Variants in VEGFC observed in about 807,000 individuals in gnomAD.
VEGFC encodes vascular endothelial growth factor C.
A neutral mutation model predicts 46.1 loss-of-function variants in VEGFC; 12 were observed. The observed-to-expected ratio is 0.26, with a 90% confidence interval of 0.17 to 0.42. The LOEUF is 0.42. VEGFC is among the 10% of genes least tolerant of loss of function. The probability of loss-of-function intolerance (pLI) is 1.00; values close to 1 mark genes in which losing one functional copy is unlikely to be tolerated. For synonymous variants in VEGFC, 232 were observed against 195.5 expected (o/e 1.19, Z -1.56); for missense variants, 488 against 529.4 (o/e 0.92, Z 0.77).
At chr4:176,753,742 CAATT>C (rs532661589) in intron 1 of VEGFC, among the ~76,000 whole-genome samples, 132 of 152,116 alleles carry the variant, frequency 8.7e-4, no homozygotes, top group African/African-American at 2.9e-3. Context: ...TTTTTACTCT[CAATT>C]AATAGTCAAT....
chr4:176,740,646 T>C (rs905556382), intron 1 of VEGFC, among the ~76,000 whole-genome samples: 1 of 150,542 alleles, frequency 6.6e-6, no homozygotes, highest in Non-Finnish European at 1.5e-5. Context: ...CTCACATTAT[T>C]TTCTAGATGT....
At chr4:176,791,431 C>G (rs969320427) in intron 1 of VEGFC, among the ~76,000 whole-genome samples, 1 of 151,462 alleles carries the variant, frequency 6.6e-6, no homozygotes, top group Admixed American at 6.6e-5. Context: ...CATTTTCAGG[C>G]AAAGGATTAA....
rs558822567 is a variant in VEGFC, at chr4:176,717,485, G to A, written c.553-5835C>T. 5.3e-5 allele frequency among the ~76,000 whole-genome samples: 8 copies of A among 152,142 alleles called. No individual in the cohort carries two copies. The South Asian group carries it at 6.2e-4, about 12-fold the overall frequency. The stretch of plus-strand genomic sequence containing the variant: ...AGGTTGTTTACAGCAGCATAGCAAC[G>A]GCTATAAAGCAACAATTCCTAATCG... On this transcript the variant is annotated intron_variant, in intron 3 of 6. Coordinates refer to ENST00000618562, the MANE Select transcript of VEGFC (RefSeq NM_005429.5).
chr4:176,755,634 C>G (rs991314678), intron 1 of VEGFC, among the ~76,000 whole-genome samples: 1 of 151,992 alleles, frequency 6.6e-6, no homozygotes, highest in African/African-American at 2.4e-5. Context: ...CAAATTAAAA[C>G]ACTCAGAAAT....
chr4:176,713,160 T>C (rs1734644607), intron 3 of VEGFC, among the ~76,000 whole-genome samples: 1 of 152,216 alleles, frequency 6.6e-6, no homozygotes, highest in African/African-American at 2.4e-5. Flanking sequence ...TTCTAGGTAT[T>C]CTCCACAATA....
At chr4:176,720,993 G>C (rs1419755153) in intron 3 of VEGFC, among the ~76,000 whole-genome samples, 6 of 152,080 alleles carry the variant, frequency 3.9e-5, no homozygotes, top group African/African-American at 1.4e-4. Flanking sequence ...TAGGCCTAAG[G>C]ATGAGTAGAC....
chr4:176,755,114 G>A (rs1023131887), intron 1 of VEGFC, among the ~76,000 whole-genome samples: 2 of 151,966 alleles, frequency 1.3e-5, no homozygotes, highest in African/African-American at 4.8e-5. Context: ...TCGTATAGAT[G>A]TATACATTCA....
intron 2 of VEGFC, 146 bp downstream of exon 2, chr4:176,729,387 A>G (rs1734923400): frequency 1.6e-6 from 1 of 644,216 alleles, no homozygotes; most frequent in Admixed American, 3.4e-5. Context: ...AAAATGTTGT[A>G]TTTTGAAGTA....
chr4:176,722,141 T>TA (rs1180874685), intron 3 of VEGFC, among the ~76,000 whole-genome samples: 7 of 151,218 alleles, frequency 4.6e-5, no homozygotes, highest in African/African-American at 1.7e-4. Context: ...GAAAAAAAAC[T>TA]GAAAAAAAAA....
chr4:176,736,765 T>C (rs1735061883), intron 1 of VEGFC, among the ~76,000 whole-genome samples: 2 of 151,708 alleles, frequency 1.3e-5, no homozygotes, highest in Admixed American at 1.3e-4. Context: ...TGTTAAATAA[T>C]TAATTGTTAA....
At chr4:176,691,950 C>T (rs959122474) in intron 4 of VEGFC, among the ~76,000 whole-genome samples, 4 of 152,204 alleles carry the variant, frequency 2.6e-5, no homozygotes, top group South Asian at 2.1e-4. Flanking sequence ...ACGCACCGTG[C>T]GCGAGCCGAA....
At chr4:176,785,641 T>TC (rs1255356374) in intron 1 of VEGFC, among the ~76,000 whole-genome samples, 2 of 151,874 alleles carry the variant, frequency 1.3e-5, no homozygotes, top group Admixed American at 1.3e-4. Flanking sequence ...CTTCTCTTTT[T>TC]TTTCAATTGC....
At chr4:176,735,131 A>T (rs1468319369) in intron 1 of VEGFC, among the ~76,000 whole-genome samples, 1 of 151,890 alleles carries the variant, frequency 6.6e-6, no homozygotes, top group Non-Finnish European at 1.5e-5. Flanking sequence ...TCCTTCCTAC[A>T]TCACTTTCTA....
At chr4:176,744,179 A>C (rs553768658) in intron 1 of VEGFC, among the ~76,000 whole-genome samples, 43 of 152,158 alleles carry the variant, frequency 2.8e-4, no homozygotes, top group African/African-American at 9.9e-4. Context: ...ATTTATATGA[A>C]TCCATTGACT....
chr4:176,786,730 T>G (rs1035109402), intron 1 of VEGFC, among the ~76,000 whole-genome samples: 2 of 152,230 alleles, frequency 1.3e-5, no homozygotes, highest in African/African-American at 4.8e-5. Flanking sequence ...AAGCTGCCAC[T>G]AGTAAGAACT....
intron 1 of VEGFC, among the ~76,000 whole-genome samples, chr4:176,731,484 G>GAA (rs1180416707): frequency 1.3e-5 from 2 of 151,054 alleles, no homozygotes. Context: ...AATAATGTTG[G>GAA]AAAAAAAACA....
chr4:176,713,757 A>C (rs1312767571), intron 3 of VEGFC, among the ~76,000 whole-genome samples: 1 of 152,206 alleles, frequency 6.6e-6, no homozygotes, highest in Non-Finnish European at 1.5e-5. Flanking sequence ...GGGAAGAGGC[A>C]AAGGAACTAG....
At chr4:176,752,834 T>C (rs912337311) in intron 1 of VEGFC, among the ~76,000 whole-genome samples, 3 of 151,792 alleles carry the variant, frequency 2.0e-5, no homozygotes, top group Non-Finnish European at 4.4e-5. Flanking sequence ...CTAGGACACT[T>C]GGTAGCAAGA....
At chr4:176,715,246 C>T (rs1449306059) in intron 3 of VEGFC, among the ~76,000 whole-genome samples, 1 of 152,106 alleles carries the variant, frequency 6.6e-6, no homozygotes, top group Admixed American at 6.5e-5. Context: ...TCAAAAGGAA[C>T]AGAGATTGAA....
Sources: allele counts gnomAD v4.1 joint callset (sites outside exome capture counted in the v4.1 genomes callset), GRCh38; gene constraint gnomAD v4.1.1; transcripts MANE v1.5; gene names NCBI Gene and HGNC (gene_info 2026-07-23, HGNC 2026-07-21).